Variants in TRMT2B observed in about 807,000 individuals in gnomAD.
The protein encoded by TRMT2B is tRNA methyltransferase 2B.
Under a neutral mutation model 39.7 loss-of-function variants are expected in TRMT2B, and 34 were observed. The ratio of observed to expected loss-of-function variants is 0.86; its 90% CI spans 0.65 to 1.14. The LOEUF (loss-of-function observed/expected upper bound fraction) is 1.14, where lower values mean the gene tolerates loss of function less well. Among genes scored for constraint, TRMT2B ranks in the 50% most tolerant of loss-of-function variants. TRMT2B has a pLI of 0.00. For missense variants in TRMT2B, 318 were observed against 377.2 expected, an observed-to-expected ratio of 0.84 and a Z score of 1.30; for synonymous variants, 132 against 137.3, an observed-to-expected ratio of 0.96 and a Z score of 0.27.
intron 10 of TRMT2B, 79 bp from the exon 11 acceptor site, chrX:101,020,667 GT>G: frequency 1.3e-6 from 1 of 795,265 alleles, no homozygotes; most frequent in Non-Finnish European, 1.9e-6. Context: ...GTTTAGTTTA[GT>G]TTAGTTTGTT....
rs186832804 is a variant in TRMT2B at position 101,036,001 on chromosome X, C to T, written c.539-318G>A. Among the ~76,000 whole-genome samples the T allele has an allele frequency of 6.4e-3, 719 of 112,022 alleles. 3 individuals are homozygous for T. Among genetic ancestry groups the T allele is most frequent in the Non-Finnish European group, 0.011 (605 of 53,255 alleles). On this transcript the variant is annotated intron_variant, in intron 6 of 13. Coordinates refer to ENST00000372936, the MANE Select transcript of TRMT2B (RefSeq NM_024917.6). Reference sequence around the variant, plus strand: ...CTATTACTGAATAATAGAACACTGACGTCACAGTCATTTAATTCAGCACAC... The same window carrying T: ...CTATTACTGAATAATAGAACACTGATGTCACAGTCATTTAATTCAGCACAC...
intron 13 of TRMT2B, among the ~76,000 whole-genome samples, chrX:101,018,162 G>A (rs1459168397): frequency 9.0e-6 from 1 of 110,633 alleles, no homozygotes; most frequent in African/African-American, 3.3e-5. Flanking sequence ...GCAACATAGT[G>A]AGACCTTGTC....
At chrX:100,978,121 G>C in the TRMT2B span, among the ~76,000 whole-genome samples, 4 of 112,437 alleles carry the variant, frequency 3.6e-5, no homozygotes, top group African/African-American at 1.3e-4. Flanking sequence ...CAGTGTATGA[G>C]GGTACCCCTT....
chrX:101,020,552 C>T lies in TRMT2B; in HGVS notation c.1103G>A (p.Arg368Gln), dbSNP rs1249351585. The change falls in exon 11 of 14, where the codon CGG becomes CAG. Residue 368 changes from arginine (R) to glutamine (Q), a missense_variant. Arg to Gln is a conservative substitution (Grantham distance 43, BLOSUM62 1). Transcript: ENST00000372936. Reference protein sequence around the residue: ...IGLSLAQHTSRVLGIELLEQA... With the variant: ...IGLSLAQHTSQVLGIELLEQA... ...CTCCAACAATTCAATCCCAAGGACC[C>T]GAGATGTATGCTGAGCCAGAGAGAG... 5.8e-6 allele frequency: 7 copies of T among 1,209,350 alleles called. No individual in the cohort carries two copies. The African/African-American group carries it at 8.7e-5, about 15-fold the overall frequency.
At chrX:101,016,642 G>GTT (rs397827366) in intron 13 of TRMT2B, among the ~76,000 whole-genome samples, 4,247 of 57,397 alleles carry the variant, frequency 0.074, 227 homozygotes, top group African/African-American at 0.097. Flanking sequence ...AATTTTCGTG[G>GTT]TTTTTTTTTT....
At position 101,021,288 on chromosome X, in the gene TRMT2B, C is replaced by T; in HGVS notation, c.879G>A (p.Gln293=). 8.3e-7 allele frequency: 1 copy of T among 1,210,022 alleles called. No homozygotes were observed. Among genetic ancestry groups the T allele is most frequent in the South Asian group, 1.8e-5 (1 of 56,729 alleles). ...CCCCAAACAGAAGCTGATAGGGAGA[C>T]TGCTGATGGCTGCAACGGGTCATGG... ...ESTMTRCSHQ[Q]SPYQLLFGEP... The change falls in exon 10 of 14, where the codon CAG becomes CAA. Residue 293 remains glutamine, a synonymous_variant. Coordinates refer to ENST00000372936, the MANE Select transcript of TRMT2B (RefSeq NM_024917.6).
At chrX:100,989,625 G>T in the TRMT2B span, among the ~76,000 whole-genome samples, 2 of 107,394 alleles carry the variant, frequency 1.9e-5, no homozygotes, top group Non-Finnish European at 3.9e-5. Flanking sequence ...AAAAAAAAAA[G>T]ACATTTTCTT....
intron 4 of TRMT2B, among the ~76,000 whole-genome samples, chrX:101,041,077 G>A (rs924879925): frequency 1.8e-5 from 2 of 111,320 alleles, no homozygotes; most frequent in African/African-American, 3.3e-5. Context: ...GGTGGCGCAC[G>A]CTTGTAATCT....
the TRMT2B span, among the ~76,000 whole-genome samples, chrX:100,988,865 T>TATATGAGATAATATATCTC: frequency 1.0e-5 from 1 of 99,377 alleles, no homozygotes; most frequent in African/African-American, 3.8e-5. Flanking sequence ...TATATATATA[T>TATATGAGATAATATATCTC]ATATATATAT....
intron 7 of TRMT2B, among the ~76,000 whole-genome samples, chrX:101,026,038 GAGGA>G (rs765754574): frequency 5.2e-5 from 5 of 95,704 alleles, no homozygotes; most frequent in Non-Finnish European, 8.3e-5. Flanking sequence ...AGAAGGGAGG[GAGGA>G]AGGAAGGGAG....
At chrX:100,997,977 T>A in the TRMT2B span, among the ~76,000 whole-genome samples, 1 of 111,822 alleles carries the variant, frequency 8.9e-6, no homozygotes, top group East Asian at 2.8e-4. Flanking sequence ...AAAATTGGCC[T>A]GGTGCAGTGG....
At chrX:100,979,928 C>G in the TRMT2B span, among the ~76,000 whole-genome samples, 29 of 111,171 alleles carry the variant, frequency 2.6e-4, no homozygotes, top group Non-Finnish European at 3.8e-4. Context: ...TGTTCTTTTC[C>G]CTTACTTTCT....
At chrX:101,020,733 A>T (rs2086758774) in intron 10 of TRMT2B, 145 bp from the exon 11 acceptor site, 1 of 508,237 alleles carries the variant, frequency 2.0e-6, no homozygotes, top group South Asian at 2.9e-5. Context: ...GCAATGGCAC[A>T]ATCACAGTTC....
At position 101,042,053 on chromosome X, in the gene TRMT2B, G is replaced by A. The variant is rs757518001; in HGVS notation, c.237C>T (p.Ser79=). Residue 79 remains serine (S), a synonymous_variant, in exon 3 of 14, where the codon TCC becomes TCT. Coordinates refer to ENST00000372936, the MANE Select transcript of TRMT2B (RefSeq NM_024917.6). ...AGCCTGGCCTTTACCTTTCCTGCCA[G>A]GAACCATCTAGTGGTCCAAGATGGC... The part of the protein sequence containing the change: ...KPSHLGPLDG[S]WQERLADVVT... 1.7e-6 allele frequency: 2 copies of A among 1,210,365 alleles called. No individual in the cohort carries two copies. Among genetic ancestry groups the A allele is most frequent in the East Asian group, 3.0e-5 (1 of 33,780 alleles).
At chrX:101,028,256 T>A (rs1004608954) in intron 7 of TRMT2B, among the ~76,000 whole-genome samples, 8 of 108,604 alleles carry the variant, frequency 7.4e-5, no homozygotes, top group Admixed American at 3.0e-4. Context: ...GTAGCTGGGA[T>A]TACAGGTGCC....
At chrX:101,047,118 C>T (rs192934327) in intron 2 of TRMT2B, among the ~76,000 whole-genome samples, 1 of 108,149 alleles carries the variant, frequency 9.2e-6, no homozygotes, top group East Asian at 2.9e-4. Context: ...GTAGTCCCAG[C>T]TACTCGGGAG....
At chrX:101,034,006 C>T (rs891580693) in intron 7 of TRMT2B, among the ~76,000 whole-genome samples, 5 of 110,683 alleles carry the variant, frequency 4.5e-5, no homozygotes, top group Admixed American at 9.7e-5. Flanking sequence ...CCACATCCAG[C>T]TAATTTTGTA....
At chrX:101,010,743 T>G in intron 13 of TRMT2B, 36 bp from the exon 14 acceptor site, 2 of 1,190,539 alleles carry the variant, frequency 1.7e-6, no homozygotes, top group Non-Finnish European at 2.3e-6. Flanking sequence ...TTCCCAGGAA[T>G]AAAAGGAAGA....
chrX:100,992,751 A>G, the TRMT2B span, among the ~76,000 whole-genome samples: 1 of 111,444 alleles, frequency 9.0e-6, no homozygotes, highest in African/African-American at 3.3e-5. Context: ...AACCCTCTGA[A>G]GTTGATTCTA....
Sources: gnomAD v4.1 joint callset for allele counts (sites outside exome capture counted in the v4.1 genomes callset) on GRCh38, gnomAD v4.1.1 for gene constraint, MANE v1.5 for transcripts, NCBI Gene and HGNC (gene_info 2026-07-23, HGNC 2026-07-21) for gene names.